Variants in PDE4D observed in about 807,000 individuals in gnomAD.
PDE4D encodes the protein 3',5'-cyclic-AMP phosphodiesterase 4D.
In PDE4D, 24 loss-of-function variants were observed where a neutral mutation model predicts 87.4. The observed-to-expected ratio is 0.27, with a 90% CI of 0.20 to 0.39. PDE4D has a LOEUF of 0.39. Ranked by LOEUF, PDE4D falls within the 10% of genes least tolerant of loss-of-function variation. PDE4D has a pLI of 1.00. For synonymous variants in PDE4D, 384 were observed against 383.2 expected (o/e 1.00, Z -0.02); for missense variants, 714 against 1,041.0 (o/e 0.69, Z 4.32).
At chr5:59,402,036 T>C (rs183924976) in intron 1 of PDE4D, among the ~76,000 whole-genome samples, 58 of 152,310 alleles carry the variant, frequency 3.8e-4, no homozygotes. Context: ...ATTCAAAATC[T>C]GCAAGGAATG....
rs61507201 is a variant in PDE4D at position 59,504,902 on chromosome 5, A to ATGTGTGTGTGTGTG, written c.456-288948_456-288935dup. 1.2e-4 allele frequency among the ~76,000 whole-genome samples: 18 copies of ATGTGTGTGTGTGTG among 145,820 alleles called. 1 individual carries two copies. The highest frequency in any genetic ancestry group is 4.8e-4 in the Admixed American group (7 of 14,498). On this transcript the variant is annotated intron_variant, in intron 1 of 14. Coordinates refer to ENST00000340635, the MANE Select transcript of PDE4D (RefSeq NM_001104631.2). ...TTTCATACTTTCTTGGTAGGGGTAT[A>ATGTGTGTGTGTGTG]TGTGTGTGTGTGTGTGTGTGTGTGT...
At chr5:60,441,194 C>T (rs900110380) in intron 1 of PDE4D, among the ~76,000 whole-genome samples, 1 of 152,092 alleles carries the variant, frequency 6.6e-6, no homozygotes, top group Non-Finnish European at 1.5e-5. Context: ...AACTATACTA[C>T]AAGGCTACAG....
chr5:59,302,980 T>C (rs1177952074), intron 1 of PDE4D, among the ~76,000 whole-genome samples: 2 of 152,202 alleles, frequency 1.3e-5, no homozygotes, highest in Admixed American at 6.5e-5. Flanking sequence ...ATAATGGCTG[T>C]ACTAGTTTGC....
chr5:59,597,456 C>A (rs1048880645), intron 1 of PDE4D, among the ~76,000 whole-genome samples: 2 of 151,878 alleles, frequency 1.3e-5, no homozygotes, highest in Non-Finnish European at 2.9e-5. Context: ...CTCATTTTCT[C>A]GAACCCCTTT....
intron 3 of PDE4D, among the ~76,000 whole-genome samples, chr5:59,190,449 C>G (rs1744059715): frequency 6.6e-6 from 1 of 151,982 alleles, no homozygotes; most frequent in Non-Finnish European, 1.5e-5. Flanking sequence ...TCAAAGCATG[C>G]TGAGAAAAGA....
chr5:59,460,312 T>C (rs1229653623), intron 1 of PDE4D, among the ~76,000 whole-genome samples: 2 of 152,084 alleles, frequency 1.3e-5, no homozygotes, highest in Non-Finnish European at 2.9e-5. Context: ...AGACAAACAT[T>C]ATGCTAATTA....
chr5:60,221,300 A>G (rs1744468575), intron 1 of PDE4D, among the ~76,000 whole-genome samples: 1 of 152,164 alleles, frequency 6.6e-6, no homozygotes, highest in East Asian at 1.9e-4. Context: ...CAATTATTCC[A>G]GAAGTGGAGA....
At chr5:59,664,498 G>A (rs1281844957) in intron 1 of PDE4D, among the ~76,000 whole-genome samples, 1 of 152,136 alleles carries the variant, frequency 6.6e-6, no homozygotes, top group African/African-American at 2.4e-5. Flanking sequence ...TGAACTGCTT[G>A]CCTTGCTTGT....
chr5:60,029,816 T>G (rs560637898), intron 2 of PDE4D, among the ~76,000 whole-genome samples: 9 of 152,186 alleles, frequency 5.9e-5, no homozygotes, highest in East Asian at 3.9e-4. Flanking sequence ...CAAGTGCTTG[T>G]TGGTGGTGGT....
At chr5:59,221,063 G>T (rs751517378) in intron 1 of PDE4D, among the ~76,000 whole-genome samples, 1 of 152,082 alleles carries the variant, frequency 6.6e-6, no homozygotes, top group Non-Finnish European at 1.5e-5. Flanking sequence ...ACACTTTGAA[G>T]TAGGCACTGT....
chr5:59,770,193 C>G (rs1235695174), intron 1 of PDE4D, among the ~76,000 whole-genome samples: 2 of 152,122 alleles, frequency 1.3e-5, no homozygotes, highest in African/African-American at 4.8e-5. Flanking sequence ...CACTTTACAT[C>G]ATTAAGTGGC....
At position 59,878,887 on chromosome 5, in the gene PDE4D, GTTTTTTTTTTT is replaced by G. The variant is rs70975345; in HGVS notation, c.455+14270_455+14280del. 1.5e-4 allele frequency among the ~76,000 whole-genome samples: 11 copies of G among 71,754 alleles called. No individual in the cohort carries two copies. In the South Asian group the frequency reaches 3.3e-3, roughly 22 times the overall value. The allele number at this position is 71,754 out of a possible 152,430, so 47.1% of individuals were successfully genotyped here. Reference sequence around the variant, plus strand: ...ATGGTCTACATATCTACCGAAGTAAGTTTTTTTTTTTTTTTTTTTTTTTTTTTTTGAGACAG... The same window carrying G: ...ATGGTCTACATATCTACCGAAGTAAGTTTTTTTTTTTTTTTTTTGAGACAG... On this transcript the variant is annotated intron_variant, in intron 1 of 14. Coordinates refer to ENST00000340635, the MANE Select transcript of PDE4D (RefSeq NM_001104631.2).
chr5:59,190,488 T>C (rs1744069218), intron 3 of PDE4D, among the ~76,000 whole-genome samples: 1 of 152,194 alleles, frequency 6.6e-6, no homozygotes, highest in African/African-American at 2.4e-5. Flanking sequence ...CTTGGCTAAA[T>C]ATTTTTCTGA....
At chr5:59,822,570 G>T (rs1419850940) in intron 1 of PDE4D, among the ~76,000 whole-genome samples, 3 of 151,972 alleles carry the variant, frequency 2.0e-5, no homozygotes, top group African/African-American at 4.8e-5. Context: ...CTGAACTTTG[G>T]CATATTTAAT....
At chr5:59,132,299 A>C (rs1776406188) in intron 5 of PDE4D, among the ~76,000 whole-genome samples, 2 of 152,288 alleles carry the variant, frequency 1.3e-5, no homozygotes, top group South Asian at 4.1e-4. Context: ...CAGGTGAGCC[A>C]AGCTATTGAT....
chr5:60,065,743 G>T (rs1771990677), intron 2 of PDE4D, among the ~76,000 whole-genome samples: 3 of 152,092 alleles, frequency 2.0e-5, no homozygotes, highest in Admixed American at 6.6e-5. Flanking sequence ...TTTCATCCAT[G>T]TCCCTACAAA....
At chr5:60,501,868 AT>A (rs1274585860) in intron 1 of PDE4D, among the ~76,000 whole-genome samples, 1 of 151,730 alleles carries the variant, frequency 6.6e-6, no homozygotes, top group African/African-American at 2.4e-5. Flanking sequence ...TTTCTTGTAA[AT>A]TTGTTCGAGT....
At chr5:59,365,921 C>T (rs1471653090) in intron 1 of PDE4D, among the ~76,000 whole-genome samples, 35 of 152,058 alleles carry the variant, frequency 2.3e-4, no homozygotes, top group Non-Finnish European at 2.9e-5. Context: ...GGCAATCAGT[C>T]CTGGAATAGT....
intron 1 of PDE4D, among the ~76,000 whole-genome samples, chr5:59,509,911 CTT>C (rs937727974): frequency 3.6e-4 from 52 of 146,356 alleles, no homozygotes; most frequent in African/African-American, 5.7e-4. Context: ...ATTATATAAA[CTT>C]ATATATAATT....
Sources: gnomAD v4.1 joint callset for allele counts (sites outside exome capture counted in the v4.1 genomes callset) on GRCh38, gnomAD v4.1.1 for gene constraint, MANE v1.5 for transcripts, NCBI Gene and HGNC (gene_info 2026-07-23, HGNC 2026-07-21) for gene names.